The following EIF4B variants were observed in gnomAD, a reference collection of about 807,000 sequenced individuals.
EIF4B encodes the protein eukaryotic translation initiation factor 4B.
Under a neutral mutation model 79.3 loss-of-function variants are expected in EIF4B, and 8 were observed. That is an observed-to-expected ratio of 0.10 (90% CI 0.06 to 0.18). EIF4B has a LOEUF of 0.18. EIF4B is among the 10% of genes least tolerant of loss of function. The pLI is 1.00. For missense variants in EIF4B, 515 were observed against 792.4 expected, an observed-to-expected ratio of 0.65 and a Z score of 4.20; for synonymous variants, 238 against 274.7, an observed-to-expected ratio of 0.87 and a Z score of 1.32.
chr12:53,026,366 A>T (rs1943334344), intron 6 of EIF4B, among the ~76,000 whole-genome samples: 1 of 152,214 alleles, frequency 6.6e-6, no homozygotes, highest in Non-Finnish European at 1.5e-5. Flanking sequence ...TTCTTTATAC[A>T]GATTTCTAGT....
intron 8 of EIF4B, among the ~76,000 whole-genome samples, chr12:53,032,674 T>TG (rs1240045363): frequency 2.0e-5 from 3 of 151,410 alleles, no homozygotes; most frequent in African/African-American, 7.3e-5. Context: ...TTTTTGTTTT[T>TG]TTTTTTTTTT....
chr12:53,019,457 T>TTTTTTTC (rs1943210587), intron 3 of EIF4B, among the ~76,000 whole-genome samples: 1 of 103,284 alleles, frequency 9.7e-6, no homozygotes, highest in Non-Finnish European at 1.9e-5. Context: ...TTTCTTTTTT[T>TTTTTTTC]TTTTTTTTTT....
At chr12:53,007,638 G>C (rs1942991359) in intron 1 of EIF4B, among the ~76,000 whole-genome samples, 1 of 152,038 alleles carries the variant, frequency 6.6e-6, no homozygotes, top group South Asian at 2.1e-4. Context: ...GAGGAATATA[G>C]TTTGTTTTCT....
intron 8 of EIF4B, among the ~76,000 whole-genome samples, chr12:53,033,539 C>T (rs1055875337): frequency 6.6e-6 from 1 of 151,682 alleles, no homozygotes; most frequent in Non-Finnish European, 1.5e-5. Flanking sequence ...GACGGGGTTT[C>T]ACCATGTTGT....
At chr12:53,024,099 G>A (rs1381859110) in intron 6 of EIF4B, among the ~76,000 whole-genome samples, 1 of 152,138 alleles carries the variant, frequency 6.6e-6, no homozygotes, top group Non-Finnish European at 1.5e-5. Flanking sequence ...TAATTAAACA[G>A]TTGGGGTGCG....
chr12:53,018,337 C>T (rs1943181116), intron 2 of EIF4B, among the ~76,000 whole-genome samples: 2 of 152,074 alleles, frequency 1.3e-5, no homozygotes, highest in Non-Finnish European at 1.5e-5. Flanking sequence ...TACTCAACTT[C>T]AAACTCACCA....
intron 1 of EIF4B, chr12:53,008,704 T>G (rs1943010589): frequency 6.6e-6 from 1 of 152,232 alleles, no homozygotes; most frequent in Non-Finnish European, 1.5e-5. Context: ...CTTGATACAT[T>G]GAGCCAGTAC....
At chr12:53,027,137 A>ATTATTATTATTATTATTTTTTTTTTTTT (rs1943349413) in intron 6 of EIF4B, among the ~76,000 whole-genome samples, 3 of 25,744 alleles carry the variant, frequency 1.2e-4, no homozygotes, top group African/African-American at 2.5e-4. Flanking sequence ...AAAAAAAAAA[A>ATTATTATTATTATTATTTTTTTTTTTTT]TTTTTTTTTT....
intron 8 of EIF4B, among the ~76,000 whole-genome samples, chr12:53,031,006 T>G (rs1943435210): frequency 2.6e-5 from 4 of 151,974 alleles, no homozygotes; most frequent in South Asian, 2.1e-4. Context: ...TACCCCCCCA[T>G]TCCCTCTAAG....
chr12:53,020,943 T>G (rs1943238465), intron 4 of EIF4B, among the ~76,000 whole-genome samples: 1 of 152,226 alleles, frequency 6.6e-6, no homozygotes, highest in Admixed American at 6.5e-5. Flanking sequence ...TGTTAACTAT[T>G]TGATGTTTAC....
At chr12:53,006,608 T>G in intron 1 of EIF4B, 112 bp downstream of exon 1, 1 of 1,580,226 alleles carries the variant, frequency 6.3e-7, no homozygotes, top group Non-Finnish European at 8.6e-7. Context: ...CTTTCTGAAT[T>G]GAGGGCTGCG....
chr12:53,024,762 C>G (rs571443833), intron 6 of EIF4B, among the ~76,000 whole-genome samples: 1 of 152,212 alleles, frequency 6.6e-6, no homozygotes, highest in East Asian at 1.9e-4. Context: ...TCAGGGTGTT[C>G]CTCATGCCTC....
At chr12:53,013,210 A>G (rs1943093953) in intron 1 of EIF4B, among the ~76,000 whole-genome samples, 1 of 152,124 alleles carries the variant, frequency 6.6e-6, no homozygotes, top group Non-Finnish European at 1.5e-5. Flanking sequence ...GGAAAGGGAT[A>G]CCTTATTCAG....
chr12:53,027,434 TA>T (rs888324445), intron 6 of EIF4B, among the ~76,000 whole-genome samples: 1 of 151,902 alleles, frequency 6.6e-6, no homozygotes, highest in Non-Finnish European at 1.5e-5. Flanking sequence ...CGTGACCAGC[TA>T]AAAAAATTTT....
chr12:53,029,845 G>C (rs1943404158), intron 8 of EIF4B, among the ~76,000 whole-genome samples: 1 of 151,968 alleles, frequency 6.6e-6, no homozygotes, highest in Non-Finnish European at 1.5e-5. Flanking sequence ...ATTGCAGTGA[G>C]GTCTTTCCTT....
chr12:53,031,968 A>G (rs1233942250), intron 8 of EIF4B, among the ~76,000 whole-genome samples: 3 of 152,218 alleles, frequency 2.0e-5, no homozygotes, highest in Non-Finnish European at 4.4e-5. Flanking sequence ...AGGACAAACA[A>G]TCATTTTTAG....
chr12:53,026,502 A>C (rs1208378775), intron 6 of EIF4B, among the ~76,000 whole-genome samples: 1 of 152,234 alleles, frequency 6.6e-6, no homozygotes, highest in Non-Finnish European at 1.5e-5. Context: ...TCCTCAGTGA[A>C]TTTCAAGAAA....
In EIF4B at chr12:53,038,432, A is replaced by G. The variant is rs753910074; in HGVS notation, c.1576+21A>G. On this transcript the variant is annotated intron_variant, in intron 12 of 14. Transcript: ENST00000262056. ...GAAAGGTGAGCTCATAGTATGGGAA[A>G]TAGGTTTTTCACCTAGAAGCCTAAA... is the stretch of plus-strand genomic sequence containing the variant. The G allele has an allele frequency of 1.3e-5, 20 of 1,567,030 alleles. No homozygotes were observed. In the South Asian group the frequency reaches 1.7e-4, roughly 13 times the overall value.
At chr12:53,024,748 A>G (rs1294279680) in intron 6 of EIF4B, among the ~76,000 whole-genome samples, 1 of 152,100 alleles carries the variant, frequency 6.6e-6, no homozygotes, top group Non-Finnish European at 1.5e-5. Context: ...TCTGCCTGCC[A>G]GGTTCAGGGT....
Sources: allele counts gnomAD v4.1 joint callset (sites outside exome capture counted in the v4.1 genomes callset), GRCh38; gene constraint gnomAD v4.1.1; transcripts MANE v1.5; gene names NCBI Gene and HGNC (gene_info 2026-07-23, HGNC 2026-07-21).